MAP1S: variants seen among roughly 807,000 people sequenced by gnomAD.
The protein encoded by MAP1S is microtubule-associated protein 1S.
In MAP1S, 27 loss-of-function variants were observed where a neutral mutation model predicts 60.9. The observed-to-expected ratio is 0.44, with a 90% CI of 0.33 to 0.61. MAP1S has a LOEUF of 0.61. Among genes scored for constraint, MAP1S ranks in the 20% least tolerant of loss-of-function variants. The pLI is 0.03. For synonymous variants in MAP1S, 826 were observed against 694.2 expected (o/e 1.19, Z -2.98); for missense variants, 1,608 against 1,486.6 (o/e 1.08, Z -1.34).
intron 2 of MAP1S, among the ~76,000 whole-genome samples, chr19:17,723,625 C>A (rs929657438): frequency 6.6e-6 from 1 of 152,002 alleles, no homozygotes; most frequent in African/African-American, 2.4e-5. Flanking sequence ...CCGAGGCAGG[C>A]GGATCACGAG....
At chr19:17,724,986 A>T in intron 3 of MAP1S, 63 bp from the exon 4 acceptor site, 1 of 1,610,462 alleles carries the variant, frequency 6.2e-7, no homozygotes, top group Non-Finnish European at 8.5e-7. Context: ...GGCTACCCCA[A>T]AGAGGACTGC....
At chr19:17,722,144 TCCCTGTGTGGCAAAAA>T (rs2080375984) in intron 2 of MAP1S, among the ~76,000 whole-genome samples, 1 of 152,176 alleles carries the variant, frequency 6.6e-6, no homozygotes, top group Non-Finnish European at 1.5e-5. Flanking sequence ...TGGGGCAATA[TCCCTGTGTGGCAAAAA>T]GCGTGCTAAG....
intron 5 of MAP1S, among the ~76,000 whole-genome samples, chr19:17,730,971 A>G (rs1599466750): frequency 2.0e-5 from 3 of 148,344 alleles, no homozygotes; most frequent in Admixed American, 2.0e-4. Context: ...GCTCACTGCA[A>G]CCTCCGCCTC....
chr19:17,734,255 C>T lies in MAP1S; in HGVS notation c.3025-18C>T, dbSNP rs145659666. ...ACTGGTGGTCCACTCTCCCCACACACCCCCCCTCCACCTGCAGGTGACCCT... is the reference window on the plus strand; with the variant it reads ...ACTGGTGGTCCACTCTCCCCACACATCCCCCCTCCACCTGCAGGTGACCCT... On this transcript the variant is annotated intron_variant, in intron 6 of 6. Coordinates refer to ENST00000324096, the MANE Select transcript of MAP1S (RefSeq NM_018174.6). The T allele has an allele frequency of 1.9e-6, 3 of 1,588,522 alleles. No homozygotes were observed. Among genetic ancestry groups the T allele is most frequent in the South Asian group, 2.2e-5 (2 of 89,004 alleles).
Position 17,722,932 on chromosome 19 carries a change from A to G in MAP1S, c.221-1194A>G, listed in dbSNP as rs1163251746. Among the ~76,000 whole-genome samples the G allele has an allele frequency of 2.6e-5, 4 of 152,240 alleles. 1 individual carries two copies. Among genetic ancestry groups the G allele is most frequent in the Non-Finnish European group, 5.9e-5 (4 of 68,048 alleles). On this transcript the variant is annotated intron_variant, in intron 2 of 6. Transcript: ENST00000324096. ...CAACACTGGAGGGTCTCTGCCTCTC[A>G]AGACTCAGCCTTGTTCACAGTTCAG...
rs1230275426 is a variant in MAP1S at position 17,725,877 on chromosome 19, C to T, written c.493C>T (p.Leu165Phe). Reference protein sequence around the residue: ...TTPPPVQPPILTITCPTFGDW... With the variant: ...TTPPPVQPPIFTITCPTFGDW... ...GCCCCCACCTGTGCAGCCGCCCATACTCACCATCACCTGCCCCACCTTCGG... is the reference window on the plus strand; with the variant it reads ...GCCCCCACCTGTGCAGCCGCCCATATTCACCATCACCTGCCCCACCTTCGG... The change falls in exon 5 of 7, where the codon CTC becomes TTC. Residue 165 changes from leucine to phenylalanine, a missense_variant. This residue lies in a region of MAP1S where 320 missense variants were observed against 393.1 expected (regional missense o/e 0.81). Transcript: ENST00000324096. The surrounding 1 kb of genome is among the most constrained non-coding windows in gnomAD (Gnocchi z 4.2). 6.2e-7 allele frequency: 1 copy of T among 1,613,574 alleles called. No homozygotes were observed. The highest frequency in any genetic ancestry group is 1.3e-5 in the African/African-American group (1 of 74,942).
intron 2 of MAP1S, chr19:17,721,585 G>A (rs1446895953): frequency 1.0e-5 from 2 of 191,076 alleles, no homozygotes; most frequent in Non-Finnish European, 2.2e-5. Context: ...GAGGTGGGAG[G>A]ATCACATGAA....
chr19:17,720,812 C>T, intron 1 of MAP1S, 124 bp from the exon 2 acceptor site: 4 of 782,038 alleles, frequency 5.1e-6, no homozygotes, highest in Non-Finnish European at 8.9e-6. Context: ...ACTTCTGAGT[C>T]TCCAAGCTGT....
At chr19:17,728,989 C>T (rs1290119123) in intron 5 of MAP1S, 1 of 152,132 alleles carries the variant, frequency 6.6e-6, no homozygotes, top group Admixed American at 6.5e-5. Context: ...CAGGTGAGCA[C>T]GTATGCCAAC....
intron 5 of MAP1S, among the ~76,000 whole-genome samples, chr19:17,729,513 G>A (rs933761029): frequency 1.3e-5 from 2 of 151,774 alleles, no homozygotes; most frequent in East Asian, 3.9e-4. Flanking sequence ...GCTGTTCTTT[G>A]TTTTTTTTCT....
chr19:17,725,158 A>G lies in MAP1S; in HGVS notation c.413A>G (p.His138Arg). ...CTACAGACAGGGGGCTTCTCGCCTC[A>G]CCACTTCCTCCAGGTCCTGAAGGAC... is the stretch of plus-strand genomic sequence containing the variant. The part of the protein sequence containing the change: ...LLLQTGGFSP[H>R]HFLQVLKDRE... The change falls in exon 4 of 7, where the codon CAC becomes CGC. Residue 138 changes from histidine (H) to arginine (R), a missense_variant. This residue lies in a region of MAP1S where 320 missense variants were observed against 393.1 expected (regional missense o/e 0.81). Coordinates refer to ENST00000324096, the MANE Select transcript of MAP1S (RefSeq NM_018174.6). This position sits in a 1 kb window ranked among gnomAD's most constrained non-coding sequence, Gnocchi z 4.2. The G allele has an allele frequency of 6.2e-7, 1 of 1,613,902 alleles. No homozygotes were observed. Among genetic ancestry groups the G allele is most frequent in the South Asian group, 1.1e-5 (1 of 91,076 alleles).
At chr19:17,722,802 A>G (rs968329461) in intron 2 of MAP1S, among the ~76,000 whole-genome samples, 5 of 147,928 alleles carry the variant, frequency 3.4e-5, no homozygotes, top group African/African-American at 4.9e-5. Context: ...AGGGAGGGAG[A>G]GAGAGAGAGA....
chr19:17,725,776 G>A lies in MAP1S; in HGVS notation c.445-53G>A. On this transcript the variant is annotated intron_variant, in intron 4 of 6. Coordinates refer to ENST00000324096, the MANE Select transcript of MAP1S (RefSeq NM_018174.6). This position sits in a 1 kb window ranked among gnomAD's most constrained non-coding sequence, Gnocchi z 4.2. Reference sequence around the variant, plus strand: ...GTGTCCTCGCCCAGTTTTCCCACCGGGCTAGGTGTTGCCTGGCTCTAGGTG... The same window carrying A: ...GTGTCCTCGCCCAGTTTTCCCACCGAGCTAGGTGTTGCCTGGCTCTAGGTG... 1.9e-6 allele frequency: 3 copies of A among 1,544,144 alleles called. No homozygotes were observed. The highest frequency in any genetic ancestry group is 1.2e-5 in the South Asian group (1 of 83,936).
chr19:17,727,602 G>C lies in MAP1S; in HGVS notation c.2218G>C (p.Val740Leu). Residue 740 changes from valine (V) to leucine (L), a missense_variant, in exon 5 of 7, where the codon GTG (valine) becomes CTG (leucine). Val to Leu is a conservative substitution (Grantham distance 32, BLOSUM62 1). This residue lies in a region of MAP1S where 1,167 missense variants were observed against 961.4 expected (regional missense o/e 1.21). Transcript: ENST00000324096. This position sits in a 1 kb window ranked among gnomAD's most constrained non-coding sequence, Gnocchi z 4.1. ...ASPHDVDLCL[V>L]SPCEFEHRKA... ...CCCACACGATGTGGACCTGTGCCTG[G>C]TGTCACCCTGTGAATTTGAGCATCG... 1 of 1,607,338 alleles carries C rather than the reference G, an allele frequency of 6.2e-7. No homozygotes were observed. Among genetic ancestry groups the C allele is most frequent in the Non-Finnish European group, 8.5e-7 (1 of 1,179,748 alleles).
Position 17,719,508 on chromosome 19 carries a change from G to GGCGGTGGCTGGATCTGGGGCT in MAP1S, c.9_29dup (p.Val4_Ala10dup), listed in dbSNP as rs2080350996. 1 of 1,245,214 alleles carries GGCGGTGGCTGGATCTGGGGCT rather than the reference G, an allele frequency of 8.0e-7. No homozygotes were observed. Among genetic ancestry groups the GGCGGTGGCTGGATCTGGGGCT allele is most frequent in the Non-Finnish European group, 1.0e-6 (1 of 987,430 alleles). 77.1% of individuals were successfully genotyped at this position (1,245,214 alleles called of 1,614,324 possible). On this transcript the variant is annotated inframe_insertion, in exon 1 of 7. Transcript: ENST00000324096. ...AACGCCGGGGCGGCCCGAAGATGGC[G>GGCGGTGGCTGGATCTGGGGCT]GCGGTGGCTGGATCTGGGGCTGCCG...
chr19:17,726,305 C>G lies in MAP1S; in HGVS notation c.921C>G (p.Arg307=). The change falls in exon 5 of 7, where the codon CGC becomes CGG. Residue 307 remains arginine (R), a synonymous_variant. Coordinates refer to ENST00000324096, the MANE Select transcript of MAP1S (RefSeq NM_018174.6). ...SLPGLNSLLR[R]KLAERSEVAA... ...CCGGCCTCAACAGCCTGCTGCGGCG[C>G]AAACTGGCGGAGCGCTCCGAGGTGG... is the stretch of plus-strand genomic sequence containing the variant. 1 of 1,607,104 alleles carries G rather than the reference C, an allele frequency of 6.2e-7. No homozygotes were observed. The highest frequency in any genetic ancestry group is 8.5e-7 in the Non-Finnish European group (1 of 1,178,678).
Position 17,719,530 on chromosome 19 carries a change from G to C in MAP1S, c.28G>C (p.Ala10Pro). The C allele has an allele frequency of 1.6e-6, 2 of 1,245,978 alleles. No individual in the cohort carries two copies. Among genetic ancestry groups the C allele is most frequent in the African/African-American group, 1.6e-5 (1 of 64,510 alleles). 77.2% of individuals were successfully genotyped at this position (1,245,978 alleles called of 1,614,324 possible). Residue 10 changes from alanine (A) to proline (P), a missense_variant, in exon 1 of 7, where the codon GCC (alanine) becomes CCC (proline). Ala to Pro is a conservative substitution (Grantham distance 27, BLOSUM62 -1). Coordinates refer to ENST00000324096, the MANE Select transcript of MAP1S (RefSeq NM_018174.6). ...GGCGGCGGTGGCTGGATCTGGGGCTGCCGCGGCTCCGAGCTCACTGCTCCT... is the reference window on the plus strand; with the variant it reads ...GGCGGCGGTGGCTGGATCTGGGGCTCCCGCGGCTCCGAGCTCACTGCTCCT... MAAVAGSGA[A>P]AAPSSLLLVV...
In MAP1S at chr19:17,726,497, A is replaced by T. The variant is rs374461596; in HGVS notation, c.1113A>T (p.Pro371=). ...LLAQLGITPL[P]LSRGPVPAKP... Reference sequence around the variant, plus strand: ...CGCAGCTGGGCATCACGCCTCTGCCACTCAGCCGCGGCCCCGTGCCAGCCA... The same window carrying T: ...CGCAGCTGGGCATCACGCCTCTGCCTCTCAGCCGCGGCCCCGTGCCAGCCA... Residue 371 remains proline, a synonymous_variant, in exon 5 of 7, where the codon CCA becomes CCT. Coordinates refer to ENST00000324096, the MANE Select transcript of MAP1S (RefSeq NM_018174.6). The T allele has an allele frequency of 3.2e-5, 50 of 1,550,364 alleles. No homozygotes were observed. Among genetic ancestry groups the T allele is most frequent in the Middle Eastern group, 3.5e-4 (2 of 5,768 alleles).
intron 1 of MAP1S, chr19:17,720,618 C>A: frequency 9.4e-7 from 1 of 1,063,816 alleles, no homozygotes; most frequent in Non-Finnish European, 1.3e-6. Context: ...GATGGACTTC[C>A]AGGCAGGGGA....
Sources: gnomAD v4.1 joint callset for allele counts (sites outside exome capture counted in the v4.1 genomes callset) on GRCh38, gnomAD v4.1.1 for gene constraint, gnomAD v4.1.1 regional missense constraint, Gnocchi (gnomAD v3.1) non-coding constraint, MANE v1.5 for transcripts, NCBI Gene and HGNC (gene_info 2026-07-23, HGNC 2026-07-21) for gene names.